Variants in SNAP23 observed in about 807,000 individuals in gnomAD.
The protein encoded by SNAP23 is synaptosomal-associated protein 23.
A neutral mutation model predicts 29.0 loss-of-function variants in SNAP23; 11 were observed. That is an observed-to-expected ratio of 0.38 (90% CI 0.24 to 0.63). SNAP23 has a LOEUF of 0.63. SNAP23 is among the 20% of genes least tolerant of loss of function. SNAP23 has a pLI of 0.58. For missense variants in SNAP23, 220 were observed against 253.9 expected (o/e 0.87, Z 0.91); for synonymous variants, 60 against 82.9 (o/e 0.72, Z 1.50).
rs764017582 is a variant in SNAP23 at position 42,531,498 on chromosome 15, T to C, written c.*20T>C. On this transcript the variant is annotated 3_prime_UTR_variant, in exon 8 of 8. Coordinates refer to ENST00000249647, the MANE Select transcript of SNAP23 (RefSeq NM_003825.4). ...AGCTAAAGCTACTGCTGTTCTTCTT[T>C]ATCATTTATTCACTTCCGTAGCTCC... 26 of 1,581,536 alleles carry C rather than the reference T, an allele frequency of 1.6e-5. No individual in the cohort carries two copies. In the African/African-American group the frequency reaches 2.3e-4, roughly 14 times the overall value.
intron 7 of SNAP23, among the ~76,000 whole-genome samples, chr15:42,530,907 A>G (rs1054524675): frequency 5.3e-5 from 8 of 152,208 alleles, no homozygotes; most frequent in Non-Finnish European, 1.2e-4. Flanking sequence ...GGTTTAGGCT[A>G]TATTTACCTG....
chr15:42,524,373 C>A (rs1663994322), intron 5 of SNAP23, among the ~76,000 whole-genome samples: 1 of 152,066 alleles, frequency 6.6e-6, no homozygotes, highest in Admixed American at 6.6e-5. Context: ...GGGCCCTCAA[C>A]CCCCCCAGCC....
At chr15:42,502,773 C>G (rs1383711732) in intron 1 of SNAP23, among the ~76,000 whole-genome samples, 1 of 152,160 alleles carries the variant, frequency 6.6e-6, no homozygotes, top group East Asian at 1.9e-4. Context: ...GTTCACATAA[C>G]CATTCTCATT....
chr15:42,528,080 C>T (rs972621275), intron 5 of SNAP23, 182 bp from the exon 6 acceptor site: 2 of 533,118 alleles, frequency 3.8e-6, no homozygotes, highest in Non-Finnish European at 6.6e-6. Flanking sequence ...AATGGGTTTA[C>T]ATAATTCATC....
chr15:42,525,451 CTTTTTTTTTT>C (rs1158969519), intron 5 of SNAP23, among the ~76,000 whole-genome samples: 106 of 47,182 alleles, frequency 2.2e-3, no homozygotes, highest in African/African-American at 7.5e-3. Flanking sequence ...ATCCAGTCTT[CTTTTTTTTTT>C]TTTTTTTTTT....
At chr15:42,496,597 A>T (rs2057221799) in intron 1 of SNAP23, among the ~76,000 whole-genome samples, 1 of 152,092 alleles carries the variant, frequency 6.6e-6, no homozygotes, top group African/African-American at 2.4e-5. Flanking sequence ...TATGCTTGTA[A>T]TCCCAGCTAC....
At chr15:42,526,683 G>A (rs60584955) in intron 5 of SNAP23, among the ~76,000 whole-genome samples, 19,367 of 151,974 alleles carry the variant, frequency 0.13, 1,621 homozygotes, top group African/African-American at 0.23. Context: ...ATACTATTTC[G>A]TTTTTGTTTA....
chr15:42,523,963 C>A, intron 5 of SNAP23, among the ~76,000 whole-genome samples: 1 of 152,004 alleles, frequency 6.6e-6, no homozygotes, highest in Non-Finnish European at 1.5e-5. Flanking sequence ...ATTACAGGCA[C>A]CTGCCACTGC....
At position 42,532,349 on chromosome 15, in the gene SNAP23, T is replaced by A. The variant is rs1261867945; in HGVS notation, c.*871T>A. ...ATCCACCCGCCTTGGCCTCCCAAAGTACTGGGATTACAGGCGTGAGCCACT... is the reference window on the plus strand; with the variant it reads ...ATCCACCCGCCTTGGCCTCCCAAAGAACTGGGATTACAGGCGTGAGCCACT... On this transcript the variant is annotated 3_prime_UTR_variant, in exon 8 of 8. Coordinates refer to ENST00000249647, the MANE Select transcript of SNAP23 (RefSeq NM_003825.4). 1 of 152,238 alleles carries A rather than the reference T, an allele frequency of 6.6e-6. No individual in the cohort carries two copies. Among genetic ancestry groups the A allele is most frequent in the Admixed American group, 6.5e-5 (1 of 15,276 alleles). 9.4% of individuals were successfully genotyped at this position (152,238 alleles called of 1,614,324 possible).
chr15:42,521,480 G>A, intron 5 of SNAP23: 1 of 1,341,278 alleles, frequency 7.5e-7, no homozygotes, highest in Admixed American at 3.5e-5. Context: ...TATGAAACCA[G>A]GCAGGAAATT....
upstream of SNAP23, among the ~76,000 whole-genome samples, chr15:42,492,067 C>T (rs531049141): frequency 3.3e-5 from 5 of 152,094 alleles, no homozygotes; most frequent in East Asian, 9.7e-4. Flanking sequence ...TGCACTACCA[C>T]GCCCAACTAA....
At chr15:42,525,122 C>T (rs1176649540) in intron 5 of SNAP23, among the ~76,000 whole-genome samples, 1 of 151,938 alleles carries the variant, frequency 6.6e-6, no homozygotes, top group Non-Finnish European at 1.5e-5. Context: ...AATCCCAGCA[C>T]TTTGGGAGGC....
chr15:42,522,847 T>TG (rs1415046918), intron 5 of SNAP23, among the ~76,000 whole-genome samples: 1 of 138,454 alleles, frequency 7.2e-6, no homozygotes, highest in Non-Finnish European at 1.6e-5. Context: ...CTTGCCTTTT[T>TG]TTTTTTTTTT....
At chr15:42,507,636 C>A (rs1285478854) in intron 1 of SNAP23, among the ~76,000 whole-genome samples, 1 of 152,138 alleles carries the variant, frequency 6.6e-6, no homozygotes, top group Non-Finnish European at 1.5e-5. Flanking sequence ...TTCTGGGTAA[C>A]CTTTTCCTGA....
chr15:42,517,242 A>G (rs1217735873), intron 5 of SNAP23, among the ~76,000 whole-genome samples: 1 of 152,202 alleles, frequency 6.6e-6, no homozygotes, highest in Non-Finnish European at 1.5e-5. Flanking sequence ...TTTAATAACT[A>G]TGACTTGTCA....
intron 1 of SNAP23, 46 bp from the exon 2 acceptor site, chr15:42,511,787 C>G: frequency 8.4e-7 from 1 of 1,194,878 alleles, no homozygotes. Context: ...TTTTATATAT[C>G]CTTATTCTTA....
chr15:42,493,903 G>A (rs1037082479), upstream of SNAP23, among the ~76,000 whole-genome samples: 1 of 151,668 alleles, frequency 6.6e-6, no homozygotes, highest in African/African-American at 2.4e-5. Flanking sequence ...TCATAATTGG[G>A]GAAATATCTC....
intron 5 of SNAP23, among the ~76,000 whole-genome samples, chr15:42,520,516 A>G (rs1440159327): frequency 6.6e-6 from 1 of 151,706 alleles, no homozygotes; most frequent in African/African-American, 2.4e-5. Flanking sequence ...TTTTTTTGAG[A>G]TGGTGTCTCG....
At chr15:42,496,476 G>A (rs2057220684) in intron 1 of SNAP23, among the ~76,000 whole-genome samples, 1 of 152,152 alleles carries the variant, frequency 6.6e-6, no homozygotes, top group Non-Finnish European at 1.5e-5. Flanking sequence ...CAGCACTTTG[G>A]GAGGTCGAGG....
Sources: gnomAD v4.1 joint callset for allele counts (sites outside exome capture counted in the v4.1 genomes callset) on GRCh38, gnomAD v4.1.1 for gene constraint, MANE v1.5 for transcripts, NCBI Gene and HGNC (gene_info 2026-07-23, HGNC 2026-07-21) for gene names.